Variants in SAPCD1 observed in about 807,000 individuals in gnomAD.
SAPCD1 encodes suppressor APC domain containing 1.
Under a neutral mutation model 20.7 loss-of-function variants are expected in SAPCD1, and 16 were observed. The observed-to-expected ratio is 0.77, with a 90% CI of 0.52 to 1.17. The LOEUF is 1.17. Among genes scored for constraint, SAPCD1 ranks in the 50% most tolerant of loss-of-function variants. SAPCD1 has a pLI of 0.00. For missense variants in SAPCD1, 173 were observed against 209.9 expected, an observed-to-expected ratio of 0.82 and a Z score of 1.09; for synonymous variants, 77 against 84.8, an observed-to-expected ratio of 0.91 and a Z score of 0.50.
Position 31,764,105 on chromosome 6 carries a change from G to GT in SAPCD1, c.299dup (p.Leu100PhefsTer17), listed in dbSNP as rs776608493. The GT allele has an allele frequency of 6.2e-7, 1 of 1,613,978 alleles. No individual in the cohort carries two copies. The highest frequency in any genetic ancestry group is 2.2e-5 in the East Asian group (1 of 44,890). On this transcript the variant is annotated frameshift_variant, in exon 3 of 5. Coordinates refer to ENST00000415669, the Ensembl canonical transcript of SAPCD1. LOFTEE classifies it high-confidence loss of function. This position sits in a 1 kb window ranked among gnomAD's most constrained non-coding sequence, Gnocchi z 4.7. ...TACACTCAGAGCCTGGTCGCCCCCC[G>GT]TTAGCCCAGATTCAAAAGGTGAACA...
chr6:31,762,797 C>G, upstream of SAPCD1: 1 of 544,794 alleles, frequency 1.8e-6, no homozygotes, highest in Non-Finnish European at 3.2e-6. Context: ...TAGGAAGACT[C>G]CCGGATTCTA....
At position 31,763,390 on chromosome 6, in the gene SAPCD1, C is replaced by A. The variant is rs374125755; in HGVS notation, c.115-25C>A. On this transcript the variant is annotated intron_variant, in intron 1 of 4. Coordinates refer to ENST00000415669, the Ensembl canonical transcript of SAPCD1. The surrounding 1 kb of genome is among the most constrained non-coding windows in gnomAD (Gnocchi z 4.9). The stretch of plus-strand genomic sequence containing the variant: ...CAGAGCCCTACTGTGGCGTGAGAGT[C>A]AGCCTCTGTGATTGCCTTTCCCAGC... The A allele has an allele frequency of 2.4e-5, 39 of 1,612,874 alleles. No individual in the cohort carries two copies. The East Asian group carries it at 3.3e-4, about 14-fold the overall frequency.
Position 31,764,392 on chromosome 6 carries a change from C to T in SAPCD1, c.441+37C>T, listed in dbSNP as rs1811319129. ...GAAGGAGGGCAGGAGCCCCACCCTA[C>T]AGGGCTGGGAGGAGCCCAGAGGCCC... is the stretch of plus-strand genomic sequence containing the variant. On this transcript the variant is annotated intron_variant, in intron 4 of 4. Coordinates refer to ENST00000415669, the Ensembl canonical transcript of SAPCD1. This position sits in a 1 kb window ranked among gnomAD's most constrained non-coding sequence, Gnocchi z 4.7. 1.2e-6 allele frequency: 2 copies of T among 1,606,620 alleles called. No homozygotes were observed. Among genetic ancestry groups the T allele is most frequent in the African/African-American group, 2.7e-5 (2 of 74,910 alleles).
chr6:31,763,009 C>T lies in SAPCD1; in HGVS notation c.-46C>T, dbSNP rs779884186. On this transcript the variant is annotated 5_prime_UTR_variant, in exon 1 of 5. Coordinates refer to ENST00000415669, the Ensembl canonical transcript of SAPCD1. The surrounding 1 kb of genome is among the most constrained non-coding windows in gnomAD (Gnocchi z 4.9). ...CAGGGGTGGAGGGGAGGGACCAGCC[C>T]GGGCTGCACCAGTGGGAGTGGCTCC... 1.8e-5 allele frequency: 21 copies of T among 1,148,354 alleles called. No individual in the cohort carries two copies. Among genetic ancestry groups the T allele is most frequent in the Middle Eastern group, 2.7e-4 (1 of 3,744 alleles). The allele number at this position is 1,148,354 out of a possible 1,614,324, so 71.1% of individuals were successfully genotyped here. A position where few individuals can be genotyped will look rare whatever the true frequency, so the allele number is the denominator to read the frequency against.
In SAPCD1 at chr6:31,763,608, C is replaced by T; in HGVS notation, c.255+53C>T. ...GGGGGGAGGACCAGGGAGGGAGGAACAGGGAATGTGTAGACACAGCCTGAG... is the reference window on the plus strand; with the variant it reads ...GGGGGGAGGACCAGGGAGGGAGGAATAGGGAATGTGTAGACACAGCCTGAG... On this transcript the variant is annotated intron_variant, in intron 2 of 4. Transcript: ENST00000415669. The surrounding 1 kb of genome is among the most constrained non-coding windows in gnomAD (Gnocchi z 4.9). The T allele has an allele frequency of 1.3e-6, 2 of 1,539,170 alleles. No individual in the cohort carries two copies. The highest frequency in any genetic ancestry group is 1.8e-6 in the Non-Finnish European group (2 of 1,135,232).
chr6:31,764,250 C>A lies in SAPCD1; in HGVS notation c.352-16C>A. The A allele has an allele frequency of 3.1e-6, 5 of 1,611,848 alleles. No individual in the cohort carries two copies. Among genetic ancestry groups the A allele is most frequent in the Non-Finnish European group, 4.2e-6 (5 of 1,177,918 alleles). On this transcript the variant is annotated splice_polypyrimidine_tract_variant and intron_variant, in intron 3 of 4. Transcript: ENST00000415669. The surrounding 1 kb of genome is among the most constrained non-coding windows in gnomAD (Gnocchi z 4.7). Reference sequence around the variant, plus strand: ...AGTGCTGGCTTAACAGAAAACACAGCGAATTTCCCCTCCAGTTCTCCCCAA... The same window carrying A: ...AGTGCTGGCTTAACAGAAAACACAGAGAATTTCCCCTCCAGTTCTCCCCAA...
rs769094704 is a variant in SAPCD1 at position 31,764,578 on chromosome 6, A to G, written c.*47A>G. Reference sequence around the variant, plus strand: ...GCCTGGTGAAAGAGTCAGAAGCCCCAGGCTCCTTTTTCTGTTTCTTAACTC... The same window carrying G: ...GCCTGGTGAAAGAGTCAGAAGCCCCGGGCTCCTTTTTCTGTTTCTTAACTC... On this transcript the variant is annotated 3_prime_UTR_variant, in exon 5 of 5. Coordinates refer to ENST00000415669, the Ensembl canonical transcript of SAPCD1. This position sits in a 1 kb window ranked among gnomAD's most constrained non-coding sequence, Gnocchi z 4.7. 1 of 1,402,602 alleles carries G rather than the reference A, an allele frequency of 7.1e-7. No individual in the cohort carries two copies. The highest frequency in any genetic ancestry group is 9.9e-7 in the Non-Finnish European group (1 of 1,014,016). The allele number at this position is 1,402,602 out of a possible 1,614,324, so 86.9% of individuals were successfully genotyped here. A position where few individuals can be genotyped will look rare whatever the true frequency, so the allele number is the denominator to read the frequency against.
chr6:31,763,600 G>A lies in SAPCD1; in HGVS notation c.255+45G>A. ...GTGTGAATGGGGGGAGGACCAGGGAGGGAGGAACAGGGAATGTGTAGACAC... is the reference window on the plus strand; with the variant it reads ...GTGTGAATGGGGGGAGGACCAGGGAAGGAGGAACAGGGAATGTGTAGACAC... On this transcript the variant is annotated intron_variant, in intron 2 of 4. Coordinates refer to ENST00000415669, the Ensembl canonical transcript of SAPCD1. The surrounding 1 kb of genome is among the most constrained non-coding windows in gnomAD (Gnocchi z 4.9). The A allele has an allele frequency of 6.5e-7, 1 of 1,549,070 alleles. No homozygotes were observed. Among genetic ancestry groups the A allele is most frequent in the Non-Finnish European group, 8.8e-7 (1 of 1,142,440 alleles).
At chr6:31,762,695 T>C, upstream of SAPCD1, 1 of 588,070 alleles carries the variant, frequency 1.7e-6, no homozygotes, top group South Asian at 2.2e-5. Context: ...TTCTTTAGTC[T>C]CAAAACAAGA....
In SAPCD1 at chr6:31,764,502, A is replaced by G; in HGVS notation, c.508A>G (p.Lys170Glu). The change falls in exon 5 of 5, where the codon AAG (lysine) becomes GAG (glutamate). Residue 170 changes from lysine (K) to glutamate (E), a missense_variant. Transcript: ENST00000415669. The surrounding 1 kb of genome is among the most constrained non-coding windows in gnomAD (Gnocchi z 4.7). The stretch of plus-strand genomic sequence containing the variant: ...GGAGATGGCTCAGCGGGGCTGCACC[A>G]AGGGGCCAAGAGGCCCTACCCGTGT... The G allele has an allele frequency of 6.2e-7, 1 of 1,613,862 alleles. No individual in the cohort carries two copies.
Position 31,763,249 on chromosome 6 carries a change from C to A in SAPCD1, c.114+81C>A. Reference sequence around the variant, plus strand: ...TTATATTTCCATTCAACTTGAGGGCCCACAGTGTTCCCGCCTGCCTCCCCT... The same window carrying A: ...TTATATTTCCATTCAACTTGAGGGCACACAGTGTTCCCGCCTGCCTCCCCT... On this transcript the variant is annotated intron_variant, in intron 1 of 4. Transcript: ENST00000415669. This position sits in a 1 kb window ranked among gnomAD's most constrained non-coding sequence, Gnocchi z 4.9. 1.7e-6 allele frequency: 2 copies of A among 1,185,552 alleles called. No homozygotes were observed. The highest frequency in any genetic ancestry group is 2.5e-5 in the East Asian group (1 of 39,692). The allele number at this position is 1,185,552 out of a possible 1,614,324, so 73.4% of individuals were successfully genotyped here.
rs998988005 is a variant in SAPCD1, at chr6:31,764,833, A to G, written c.*302A>G. 2 of 457,692 alleles carry G rather than the reference A, an allele frequency of 4.4e-6. No individual in the cohort carries two copies. 28.4% of individuals were successfully genotyped at this position (457,692 alleles called of 1,614,324 possible). ...AAATAAAACTGAAACTGCTCCAGAA[A>G]GCAGCTTTCTCCAAAAATGTCTTTG... On this transcript the variant is annotated 3_prime_UTR_variant, in exon 5 of 5. Transcript: ENST00000415669. The surrounding 1 kb of genome is among the most constrained non-coding windows in gnomAD (Gnocchi z 4.7).
chr6:31,762,829 C>A, upstream of SAPCD1: 1 of 544,060 alleles, frequency 1.8e-6, no homozygotes, highest in South Asian at 2.7e-5. Context: ...TTCATGAGAA[C>A]GAACCCCTTC....
Position 31,763,614 on chromosome 6 carries a change from A to G in SAPCD1, c.255+59A>G. On this transcript the variant is annotated intron_variant, in intron 2 of 4. Transcript: ENST00000415669. This position sits in a 1 kb window ranked among gnomAD's most constrained non-coding sequence, Gnocchi z 4.9. ...AGGACCAGGGAGGGAGGAACAGGGA[A>G]TGTGTAGACACAGCCTGAGACCACT... 2.0e-6 allele frequency: 3 copies of G among 1,511,794 alleles called. No homozygotes were observed. The highest frequency in any genetic ancestry group is 2.7e-6 in the Non-Finnish European group (3 of 1,113,552). The allele number at this position is 1,511,794 out of a possible 1,614,324, so 93.6% of individuals were successfully genotyped here. A position where few individuals can be genotyped will look rare whatever the true frequency, so the allele number is the denominator to read the frequency against.
rs147916387 is a variant in SAPCD1 at position 31,764,450 on chromosome 6, G to A, written c.456G>A (p.Gln152=). 2.5e-6 allele frequency: 4 copies of A among 1,614,054 alleles called. No individual in the cohort carries two copies. Among genetic ancestry groups the A allele is most frequent in the South Asian group, 1.1e-5 (1 of 91,084 alleles). Residue 152 remains glutamine, a synonymous_variant, in exon 5 of 5, where the codon CAG becomes CAA. Transcript: ENST00000415669. The surrounding 1 kb of genome is among the most constrained non-coding windows in gnomAD (Gnocchi z 4.7). The stretch of plus-strand genomic sequence containing the variant: ...TTCTCCTCCAGGAGTTGTCAAGGCA[G>A]CAGAAAGGAGTCACCCAGCCAAAGG...
chr6:31,762,802 A>T, upstream of SAPCD1: 1 of 544,500 alleles, frequency 1.8e-6, no homozygotes, highest in Non-Finnish European at 3.2e-6. Context: ...AGACTCCCGG[A>T]TTCTACCCCA....
rs775858669 is a variant in SAPCD1 at position 31,763,575 on chromosome 6, G to T, written c.255+20G>T. The T allele has an allele frequency of 1.9e-6, 3 of 1,594,578 alleles. No homozygotes were observed. The highest frequency in any genetic ancestry group is 1.3e-5 in the African/African-American group (1 of 74,504). ...GGTGAGGTATGGGGGCTGCCCCTCT[G>T]TGTGAATGGGGGGAGGACCAGGGAG... On this transcript the variant is annotated intron_variant, in intron 2 of 4. Transcript: ENST00000415669. The surrounding 1 kb of genome is among the most constrained non-coding windows in gnomAD (Gnocchi z 4.9).
chr6:31,763,540 A>G lies in SAPCD1; in HGVS notation c.240A>G (p.Leu80=). 6.2e-7 allele frequency: 1 copy of G among 1,611,730 alleles called. No homozygotes were observed. ...AGGCACAGCGACAGCAGCTGCATCT[A>G]GGGGCCCTTGGTGAGGTATGGGGGC... Residue 80 remains leucine, a synonymous_variant, in exon 2 of 5, where the codon CTA becomes CTG. Transcript: ENST00000415669. The surrounding 1 kb of genome is among the most constrained non-coding windows in gnomAD (Gnocchi z 4.9).
rs6905572 is a variant in SAPCD1 at position 31,764,104 on chromosome 6, C to T, written c.296C>T (p.Pro99Leu). ...TTACACTCAGAGCCTGGTCGCCCCC[C>T]GTTAGCCCAGATTCAAAAGGTGAAC... is the stretch of plus-strand genomic sequence containing the variant. Residue 99 changes from proline (P) to leucine (L), a missense_variant, in exon 3 of 5, where the codon CCG (proline) becomes CTG (leucine). By Grantham distance (98) the Pro-to-Leu change is moderately conservative. Transcript: ENST00000415669. This position sits in a 1 kb window ranked among gnomAD's most constrained non-coding sequence, Gnocchi z 4.7. The T allele has an allele frequency of 0.13, 206,751 of 1,612,636 alleles. 15,636 individuals carry two copies. The highest frequency in any genetic ancestry group is 0.22 in the Admixed American group (12,945 of 59,998).
Sources: allele counts gnomAD v4.1 joint callset, GRCh38; gene constraint gnomAD v4.1.1; non-coding constraint Gnocchi (gnomAD v3.1); transcripts MANE v1.5; gene names NCBI Gene and HGNC (gene_info 2026-07-23, HGNC 2026-07-21).